ANKH: variants seen among roughly 807,000 people sequenced by gnomAD.
ANKH encodes ANKH inorganic pyrophosphate transport regulator.
ANKH carries 15 observed loss-of-function variants against 49.0 expected under a neutral mutation model. The observed-to-expected ratio is 0.31, with a 90% CI of 0.20 to 0.47. ANKH has a LOEUF of 0.47. ANKH is among the 20% of genes least tolerant of loss of function. ANKH has a pLI of 1.00. For missense variants in ANKH, 429 were observed against 652.0 expected (o/e 0.66, Z 3.72); for synonymous variants, 273 against 260.0 (o/e 1.05, Z -0.48).
At chr5:14,768,706 A>G in intron 2 of ANKH, 1 of 542,214 alleles carries the variant, frequency 1.8e-6, no homozygotes, top group Admixed American at 3.1e-5. Flanking sequence ...GGCCTTACCA[A>G]ATGTTATTCC....
In ANKH at chr5:14,757,181, CA is replaced by C. The variant is rs1324364069; in HGVS notation, c.433-1238del. ...CTGGGCTTTGACTCTTTAGGGATGT[CA>C]GAAAGGCCACCTCCTTCAGTTCTCT... is the stretch of plus-strand genomic sequence containing the variant. On this transcript the variant is annotated intron_variant, in intron 3 of 11. Coordinates refer to ENST00000284268, the MANE Select transcript of ANKH (RefSeq NM_054027.6). 3.3e-5 allele frequency among the ~76,000 whole-genome samples: 5 copies of C among 152,144 alleles called. No individual in the cohort carries two copies. In the East Asian group the frequency reaches 9.7e-4, roughly 29 times the overall value.
chr5:14,858,721 AT>A (rs1444342957), intron 1 of ANKH, among the ~76,000 whole-genome samples: 2 of 89,300 alleles, frequency 2.2e-5, no homozygotes, highest in African/African-American at 9.0e-5. Flanking sequence ...ATCTCAATAA[AT>A]AAATAAATAA....
rs184262892 is a variant in ANKH, at chr5:14,754,942, G to A, written c.516+919C>T. ...AATACAAAAATTAGCCAGGCATGGT[G>A]GCAGATGCCTATAATCCCAGCTACT... On this transcript the variant is annotated intron_variant, in intron 4 of 11. Transcript: ENST00000284268. 8.9e-3 allele frequency among the ~76,000 whole-genome samples: 1,352 copies of A among 152,016 alleles called. 24 individuals carry two copies. Among genetic ancestry groups the A allele is most frequent in the African/African-American group, 0.032 (1,307 of 41,410 alleles).
rs992393687 is a variant in ANKH, at chr5:14,770,336, T to C, written c.97-1145A>G. Among the ~76,000 whole-genome samples, 15 of 152,120 alleles carry C rather than the reference T, an allele frequency of 9.9e-5. No individual in the cohort carries two copies. Among genetic ancestry groups the C allele is most frequent in the African/African-American group, 3.6e-4 (15 of 41,404 alleles). On this transcript the variant is annotated intron_variant, in intron 1 of 11. Transcript: ENST00000284268. This position sits in a 1 kb window ranked among gnomAD's most constrained non-coding sequence, Gnocchi z 4.1. ...TCATTATTACTCAAAGACCAGACAG[T>C]AGTCCCCCCTTATCCTTAGGGGATA...
chr5:14,728,327 G>A (rs561687293), intron 8 of ANKH, among the ~76,000 whole-genome samples: 4 of 152,378 alleles, frequency 2.6e-5, no homozygotes, highest in African/African-American at 4.8e-5. Flanking sequence ...CCTTGGGGCC[G>A]CAGAAGCCCT....
chr5:14,741,977 C>T (rs1738374583), intron 7 of ANKH, 55 bp from the exon 8 acceptor site: 4 of 1,342,034 alleles, frequency 3.0e-6, no homozygotes, highest in Non-Finnish European at 4.3e-6. Flanking sequence ...TGGCTGAACC[C>T]ACCGGGGGAT....
intron 8 of ANKH, among the ~76,000 whole-genome samples, chr5:14,734,628 C>T (rs897624462): frequency 2.6e-5 from 4 of 152,174 alleles, no homozygotes; most frequent in Admixed American, 2.6e-4. Context: ...TGCAGGGATC[C>T]GTGGGGCCCA....
chr5:14,815,263 C>G (rs1465103739), intron 1 of ANKH, among the ~76,000 whole-genome samples: 4 of 152,170 alleles, frequency 2.6e-5, no homozygotes, highest in Admixed American at 1.3e-4. Flanking sequence ...GATTTTTCTG[C>G]ATATGAGGAT....
intron 6 of ANKH, among the ~76,000 whole-genome samples, chr5:14,747,000 G>A (rs1362982244): frequency 3.9e-5 from 6 of 152,168 alleles, no homozygotes; most frequent in African/African-American, 1.4e-4. Flanking sequence ...CTCTAGTCTA[G>A]CTCTATTTAT....
At chr5:14,786,546 C>T (rs1186952763) in intron 1 of ANKH, among the ~76,000 whole-genome samples, 3 of 152,136 alleles carry the variant, frequency 2.0e-5, no homozygotes, top group South Asian at 2.1e-4. Flanking sequence ...GAAGCCGGCT[C>T]CCAGAAGAAG....
intron 1 of ANKH, among the ~76,000 whole-genome samples, chr5:14,828,837 C>T (rs1741422655): frequency 6.6e-6 from 1 of 152,150 alleles, no homozygotes; most frequent in Admixed American, 6.5e-5. Context: ...GTCATAGGTA[C>T]ATATCTTTAA....
At chr5:14,721,006 C>T (rs1338569972) in intron 8 of ANKH, among the ~76,000 whole-genome samples, 1 of 152,222 alleles carries the variant, frequency 6.6e-6, no homozygotes, top group Non-Finnish European at 1.5e-5. Flanking sequence ...GTTTTCCCAT[C>T]TTGTAGAAGA....
chr5:14,871,047 G>C, intron 1 of ANKH: 1 of 486,470 alleles, frequency 2.1e-6, no homozygotes, highest in South Asian at 1.7e-5. Context: ...AATTAGAGCT[G>C]AGGTTTACAT....
At chr5:14,736,028 TTTTTTTTTTTA>T (rs1738171851) in intron 8 of ANKH, among the ~76,000 whole-genome samples, 1 of 135,976 alleles carries the variant, frequency 7.4e-6, no homozygotes, top group Non-Finnish European at 1.7e-5. Flanking sequence ...TTTTTTTTTT[TTTTTTTTTTTA>T]AAGAATCAGA....
At chr5:14,724,540 G>A (rs1737765791) in intron 8 of ANKH, 1 of 984,944 alleles carries the variant, frequency 1.0e-6, no homozygotes, top group African/African-American at 1.7e-5. Context: ...TTTACAGACA[G>A]AAGACCCCTG....
chr5:14,796,473 C>A (rs1264187584), intron 1 of ANKH, among the ~76,000 whole-genome samples: 8 of 91,546 alleles, frequency 8.7e-5, no homozygotes, highest in East Asian at 5.3e-4. Flanking sequence ...AAACACACAC[C>A]AACAAAAAAA....
chr5:14,800,793 C>T (rs1413855150), intron 1 of ANKH, among the ~76,000 whole-genome samples: 4 of 145,646 alleles, frequency 2.7e-5, no homozygotes, highest in East Asian at 2.0e-4. Flanking sequence ...GTGATGTGAA[C>T]ATGGCTCACT....
intron 1 of ANKH, among the ~76,000 whole-genome samples, chr5:14,849,985 C>T (rs546029155): frequency 2.0e-5 from 3 of 152,150 alleles, no homozygotes; most frequent in Admixed American, 1.3e-4. Flanking sequence ...TAACCAGCAC[C>T]GCTTCAGTAC....
intron 1 of ANKH, among the ~76,000 whole-genome samples, chr5:14,863,035 T>G (rs1735544069): frequency 6.6e-6 from 1 of 152,136 alleles, no homozygotes; most frequent in Non-Finnish European, 1.5e-5. Context: ...ACTCAATAAA[T>G]ATTAGCTATG....
Sources: allele counts gnomAD v4.1 joint callset (sites outside exome capture counted in the v4.1 genomes callset), GRCh38; gene constraint gnomAD v4.1.1; non-coding constraint Gnocchi (gnomAD v3.1); transcripts MANE v1.5; gene names NCBI Gene and HGNC (gene_info 2026-07-23, HGNC 2026-07-21).